Variants in ADAMTS12 observed in about 807,000 individuals in gnomAD.
ADAMTS12 encodes ADAM metallopeptidase with thrombospondin type 1 motif 12.
Under a neutral mutation model 167.8 loss-of-function variants are expected in ADAMTS12, and 118 were observed. That is an observed-to-expected ratio of 0.70 (90% CI 0.61 to 0.82). The LOEUF is 0.82. ADAMTS12 is among the 40% of genes least tolerant of loss of function. The pLI is 0.00. For missense variants in ADAMTS12, 1,916 were observed against 1,998.8 expected, an observed-to-expected ratio of 0.96 and a Z score of 0.79; for synonymous variants, 704 against 716.9, an observed-to-expected ratio of 0.98 and a Z score of 0.29.
chr5:33,668,080 G>T lies in ADAMTS12; in HGVS notation c.916-6040C>A, dbSNP rs149583289. 6.6e-4 allele frequency among the ~76,000 whole-genome samples: 100 copies of T among 152,250 alleles called. 2 individuals are homozygous for T. The highest frequency in any genetic ancestry group is 2.1e-3 in the African/African-American group (89 of 41,546). On this transcript the variant is annotated intron_variant, in intron 5 of 23. Transcript: ENST00000504830. ...ACTCCTTGAGTTACAACTGGGTTAC[G>T]TCCTGATAAACCTGTCATCAATTCA... is the stretch of plus-strand genomic sequence containing the variant.
intron 20 of ADAMTS12, among the ~76,000 whole-genome samples, chr5:33,550,138 C>G (rs1285628304): frequency 6.6e-6 from 1 of 152,136 alleles, no homozygotes; most frequent in Non-Finnish European, 1.5e-5. Context: ...CCCAGGTTCA[C>G]CAGCAGGCTG....
At chr5:33,684,097 T>C in intron 3 of ADAMTS12, 42 bp from the exon 4 acceptor site, 1 of 1,301,002 alleles carries the variant, frequency 7.7e-7, no homozygotes, top group Non-Finnish European at 1.0e-6. Context: ...ACTGTATATG[T>C]CTCATATATT....
At chr5:33,739,712 C>T (rs745436586) in intron 3 of ADAMTS12, among the ~76,000 whole-genome samples, 2 of 152,286 alleles carry the variant, frequency 1.3e-5, no homozygotes, top group South Asian at 4.1e-4. Context: ...GAAGTTCTGC[C>T]GCCTCTTTAG....
At chr5:33,672,831 C>T (rs543340840) in intron 5 of ADAMTS12, among the ~76,000 whole-genome samples, 2 of 152,160 alleles carry the variant, frequency 1.3e-5, no homozygotes, top group Non-Finnish European at 2.9e-5. Flanking sequence ...AGCCCATTTC[C>T]CTGAAGGGCC....
chr5:33,743,327 A>T (rs1240216643), intron 3 of ADAMTS12, among the ~76,000 whole-genome samples: 1 of 152,234 alleles, frequency 6.6e-6, no homozygotes, highest in Non-Finnish European at 1.5e-5. Flanking sequence ...GAATGCCAGA[A>T]ATCTACTTAG....
At chr5:33,882,207 AAC>A (rs1447931780) in intron 1 of ADAMTS12, among the ~76,000 whole-genome samples, 1 of 152,232 alleles carries the variant, frequency 6.6e-6, no homozygotes, top group East Asian at 1.9e-4. Flanking sequence ...AGGGAAAAAA[AAC>A]ACAAAATCAT....
chr5:33,608,215 C>T (rs1460982166), intron 16 of ADAMTS12, among the ~76,000 whole-genome samples: 1 of 152,162 alleles, frequency 6.6e-6, no homozygotes, highest in Non-Finnish European at 1.5e-5. Flanking sequence ...AGGAAAGACA[C>T]ACAAAAAGCA....
At chr5:33,849,030 AATAT>A (rs1170565694) in intron 2 of ADAMTS12, among the ~76,000 whole-genome samples, 1 of 144,906 alleles carries the variant, frequency 6.9e-6, no homozygotes, top group Admixed American at 7.0e-5. Context: ...ATTGCATAGC[AATAT>A]ATATATATGT....
At chr5:33,541,801 C>T (rs1579640034) in intron 22 of ADAMTS12, among the ~76,000 whole-genome samples, 1 of 152,266 alleles carries the variant, frequency 6.6e-6, no homozygotes, top group South Asian at 2.1e-4. Context: ...GATTTTGTCA[C>T]CACCAGGCCT....
chr5:33,884,468 G>C (rs1482747203), intron 1 of ADAMTS12, among the ~76,000 whole-genome samples: 1 of 152,142 alleles, frequency 6.6e-6, no homozygotes, highest in Non-Finnish European at 1.5e-5. Context: ...TTGCCTATCA[G>C]TATTTTAAGG....
At chr5:33,850,534 G>A (rs184726355) in intron 2 of ADAMTS12, among the ~76,000 whole-genome samples, 9 of 152,256 alleles carry the variant, frequency 5.9e-5, no homozygotes, top group African/African-American at 1.4e-4. Context: ...ACAGGCTCTC[G>A]ACACCATAGG....
At chr5:33,563,444 T>A (rs1171205298) in intron 19 of ADAMTS12, among the ~76,000 whole-genome samples, 2 of 152,194 alleles carry the variant, frequency 1.3e-5, no homozygotes, top group African/African-American at 4.8e-5. Context: ...GCCTCTGCTA[T>A]GAAACTAAAC....
intron 2 of ADAMTS12, among the ~76,000 whole-genome samples, chr5:33,802,031 T>G (rs929208005): frequency 2.0e-5 from 3 of 152,162 alleles, no homozygotes; most frequent in African/African-American, 7.2e-5. Flanking sequence ...CAGTGCCTTA[T>G]AAGAAAGGCC....
chr5:33,592,699 C>A (rs1172248850), intron 17 of ADAMTS12, among the ~76,000 whole-genome samples: 1 of 151,920 alleles, frequency 6.6e-6, no homozygotes, highest in Non-Finnish European at 1.5e-5. Context: ...TTAAAAAAAT[C>A]TCTCTCAAAT....
intron 6 of ADAMTS12, 141 bp downstream of exon 6, chr5:33,661,775 G>A: frequency 8.4e-7 from 1 of 1,187,714 alleles, no homozygotes. Flanking sequence ...GAAGTCAGGA[G>A]TTGACTAGAT....
chr5:33,622,246 T>C (rs1184791300), intron 14 of ADAMTS12, among the ~76,000 whole-genome samples: 2 of 152,198 alleles, frequency 1.3e-5, no homozygotes, highest in Non-Finnish European at 2.9e-5. Flanking sequence ...CCTAAGGGAT[T>C]ACAAGGTTAA....
At chr5:33,856,029 G>T (rs1239009778) in intron 2 of ADAMTS12, among the ~76,000 whole-genome samples, 1 of 152,182 alleles carries the variant, frequency 6.6e-6, no homozygotes, top group Non-Finnish European at 1.5e-5. Flanking sequence ...ACTGTACCCA[G>T]CATAATTGTG....
intron 2 of ADAMTS12, among the ~76,000 whole-genome samples, chr5:33,809,933 C>G (rs1747385609): frequency 7.0e-6 from 1 of 142,708 alleles, no homozygotes; most frequent in Non-Finnish European, 1.5e-5. Flanking sequence ...GGGCTTAGCA[C>G]TGGAGTACCA....
intron 3 of ADAMTS12, among the ~76,000 whole-genome samples, chr5:33,730,289 GGTGT>G (rs762232547): frequency 0.014 from 2,007 of 144,238 alleles, 45 homozygotes; most frequent in African/African-American, 0.048. Flanking sequence ...AGTCCATTAG[GGTGT>G]GTGTGTGTGT....
Sources: allele counts gnomAD v4.1 joint callset (sites outside exome capture counted in the v4.1 genomes callset), GRCh38; gene constraint gnomAD v4.1.1; transcripts MANE v1.5; gene names NCBI Gene and HGNC (gene_info 2026-07-23, HGNC 2026-07-21).